Variants in ZRANB3 observed in about 807,000 individuals in gnomAD.
ZRANB3 encodes zinc finger RANBP2-type containing 3.
ZRANB3 carries 125 observed loss-of-function variants against 133.8 expected under a neutral mutation model. The ratio of observed to expected loss-of-function variants is 0.93; its 90% confidence interval spans 0.81 to 1.08. The LOEUF (loss-of-function observed/expected upper bound fraction) is 1.08, where lower values mean the gene tolerates loss of function less well. ZRANB3 is among the 50% of genes least tolerant of loss of function. The probability of loss-of-function intolerance (pLI) is 0.00; values close to 1 mark genes in which losing one functional copy is unlikely to be tolerated. For missense variants in ZRANB3, 1,229 were observed against 1,275.5 expected (o/e 0.96, Z 0.56); for synonymous variants, 387 against 432.7 (o/e 0.89, Z 1.31).
At chr2:135,456,961 A>G (rs1164997839) in intron 2 of ZRANB3, among the ~76,000 whole-genome samples, 1 of 152,244 alleles carries the variant, frequency 6.6e-6, no homozygotes, top group Non-Finnish European at 1.5e-5. Context: ...AATATAATTC[A>G]CTTGCCCTGA....
chr2:135,472,139 G>C (rs1179085298), intron 2 of ZRANB3, among the ~76,000 whole-genome samples: 5 of 152,162 alleles, frequency 3.3e-5, no homozygotes, highest in Admixed American at 3.3e-4. Flanking sequence ...TACTGTCATA[G>C]ATAACCTCAT....
At chr2:135,238,262 A>G (rs1032618257) in intron 12 of ZRANB3, among the ~76,000 whole-genome samples, 15 of 152,200 alleles carry the variant, frequency 9.9e-5, no homozygotes, top group African/African-American at 4.8e-5. Flanking sequence ...GTCATTTCAC[A>G]TGCTCTTCAT....
chr2:135,439,832 G>A (rs1053732004), intron 2 of ZRANB3, among the ~76,000 whole-genome samples: 3 of 152,156 alleles, frequency 2.0e-5, no homozygotes, highest in South Asian at 2.1e-4. Flanking sequence ...AATGTGCAAC[G>A]AAGTTTCAGA....
chr2:135,344,483 C>A (rs994493188), intron 6 of ZRANB3, among the ~76,000 whole-genome samples: 2 of 152,162 alleles, frequency 1.3e-5, no homozygotes, highest in African/African-American at 4.8e-5. Context: ...AGCCTGTAAT[C>A]CCAGCACTTC....
chr2:135,352,214 C>T (rs972140033), intron 4 of ZRANB3, among the ~76,000 whole-genome samples: 5 of 151,842 alleles, frequency 3.3e-5, no homozygotes, highest in African/African-American at 1.2e-4. Flanking sequence ...TGCCTGTAAT[C>T]CCAGCTACTC....
chr2:135,452,828 T>C (rs1435225991), intron 2 of ZRANB3, among the ~76,000 whole-genome samples: 1 of 152,176 alleles, frequency 6.6e-6, no homozygotes, highest in Admixed American at 6.5e-5. Flanking sequence ...GTCTGCAGCT[T>C]TTCCAGGCAC....
intron 3 of ZRANB3, among the ~76,000 whole-genome samples, chr2:135,384,793 GCCCTT>G (rs1489198633): frequency 6.6e-6 from 1 of 152,080 alleles, no homozygotes; most frequent in Non-Finnish European, 1.5e-5. Flanking sequence ...AAATTCAACA[GCCCTT>G]CATGCTAAAA....
At chr2:135,287,853 T>C (rs1681461632) in intron 8 of ZRANB3, among the ~76,000 whole-genome samples, 1 of 152,088 alleles carries the variant, frequency 6.6e-6, no homozygotes, top group African/African-American at 2.4e-5. Flanking sequence ...TAGGGTTTTC[T>C]GGGTATACGA....
intron 2 of ZRANB3, among the ~76,000 whole-genome samples, chr2:135,469,252 C>A (rs879080471): frequency 1.3e-5 from 2 of 151,920 alleles, no homozygotes; most frequent in Non-Finnish European, 2.9e-5. Flanking sequence ...CAGACACACA[C>A]ACACACACAC....
At chr2:135,265,784 C>T (rs998377862) in intron 11 of ZRANB3, 98 bp from the exon 12 acceptor site, 10 of 1,254,172 alleles carry the variant, frequency 8.0e-6, no homozygotes, top group African/African-American at 1.5e-5. Flanking sequence ...AAGCTACCCA[C>T]TAAGAAAATC....
At chr2:135,235,276 G>A (rs998255671) in intron 12 of ZRANB3, among the ~76,000 whole-genome samples, 6 of 152,146 alleles carry the variant, frequency 3.9e-5, no homozygotes, top group African/African-American at 1.4e-4. Flanking sequence ...AACAGGCTCT[G>A]AAATTGAGGC....
chr2:135,301,257 C>A (rs967196541), intron 8 of ZRANB3, among the ~76,000 whole-genome samples: 1 of 151,610 alleles, frequency 6.6e-6, no homozygotes, highest in Non-Finnish European at 1.5e-5. Flanking sequence ...ACCGTCTCAC[C>A]CCACCGCAAC....
At chr2:135,385,726 CA>C in intron 3 of ZRANB3, among the ~76,000 whole-genome samples, 1 of 151,844 alleles carries the variant, frequency 6.6e-6, no homozygotes, top group African/African-American at 2.4e-5. Flanking sequence ...CTGACAAAAA[CA>C]AAAAATGGGG....
In ZRANB3 at chr2:135,396,695, C is replaced by T. The variant is rs765682013; in HGVS notation, c.162-5875G>A. ...GGTAGTGGTGGGGTAGGGGGAAAGT[C>T]GGGATGGTTAATGGGTAAATAAAAA... On this transcript the variant is annotated intron_variant, in intron 2 of 20. Coordinates refer to ENST00000264159, the MANE Select transcript of ZRANB3 (RefSeq NM_032143.4). 1.9e-4 allele frequency among the ~76,000 whole-genome samples: 29 copies of T among 151,080 alleles called. No individual in the cohort carries two copies. The East Asian group carries it at 2.7e-3, about 14-fold the overall frequency.
chr2:135,479,923 C>G (rs549535472), intron 2 of ZRANB3, among the ~76,000 whole-genome samples: 1 of 151,714 alleles, frequency 6.6e-6, no homozygotes, highest in Non-Finnish European at 1.5e-5. Context: ...TATACCTATA[C>G]TTACGATTAA....
chr2:135,454,336 T>C (rs1192516011), intron 2 of ZRANB3, among the ~76,000 whole-genome samples: 1 of 152,212 alleles, frequency 6.6e-6, no homozygotes, highest in Non-Finnish European at 1.5e-5. Flanking sequence ...TCATATTATA[T>C]AAAAACATTG....
intron 8 of ZRANB3, among the ~76,000 whole-genome samples, chr2:135,300,921 A>G (rs1682396374): frequency 6.6e-6 from 1 of 152,202 alleles, no homozygotes. Context: ...AAGAACCTTT[A>G]GAATAAATTA....
chr2:135,394,637 C>A (rs1194070065), intron 2 of ZRANB3, among the ~76,000 whole-genome samples: 1 of 151,870 alleles, frequency 6.6e-6, no homozygotes, highest in Non-Finnish European at 1.5e-5. Context: ...AAAGTTGTTA[C>A]CTATACCTTA....
At position 135,498,425 on chromosome 2, in the gene ZRANB3, A is replaced by G. The variant is rs1170122460; in HGVS notation, c.161+5904T>C. 5.3e-5 allele frequency among the ~76,000 whole-genome samples: 8 copies of G among 152,316 alleles called. 1 individual carries two copies. The East Asian group carries it at 1.5e-3, about 29-fold the overall frequency. ...ATGGACACTTATCACTTCCCCAATC[A>G]ATACTCTTGTGATGCCTGTCTTTAA... On this transcript the variant is annotated intron_variant, in intron 2 of 20. Coordinates refer to ENST00000264159, the MANE Select transcript of ZRANB3 (RefSeq NM_032143.4).
Sources: gnomAD v4.1 joint callset for allele counts (sites outside exome capture counted in the v4.1 genomes callset) on GRCh38, gnomAD v4.1.1 for gene constraint, MANE v1.5 for transcripts, NCBI Gene and HGNC (gene_info 2026-07-23, HGNC 2026-07-21) for gene names.